The following DNAAF4 variants were observed in gnomAD, a reference collection of about 807,000 sequenced individuals.
DNAAF4 encodes the protein dynein assembly factor 4, axonemal.
A neutral mutation model predicts 51.8 loss-of-function variants in DNAAF4; 43 were observed. The observed-to-expected ratio is 0.83, with a 90% CI of 0.65 to 1.07. The LOEUF (loss-of-function observed/expected upper bound fraction) is 1.07. DNAAF4 is among the 50% of genes least tolerant of loss of function. The probability of loss-of-function intolerance (pLI) is 0.00; values close to 1 mark genes in which losing one functional copy is unlikely to be tolerated. For synonymous variants in DNAAF4, 194 were observed against 165.6 expected, an observed-to-expected ratio of 1.17 and a Z score of -1.32; for missense variants, 581 against 493.0, an observed-to-expected ratio of 1.18 and a Z score of -1.69.
downstream of DNAAF4, among the ~76,000 whole-genome samples, chr15:55,429,198 G>T (rs111825943): frequency 6.6e-6 from 1 of 151,094 alleles, no homozygotes; most frequent in Non-Finnish European, 1.5e-5. Flanking sequence ...CTAAAGCCTG[G>T]GTTACAGAGC....
chr15:55,472,346 A>C (rs1353398914), intron 4 of DNAAF4, among the ~76,000 whole-genome samples: 1 of 151,752 alleles, frequency 6.6e-6, no homozygotes, highest in Non-Finnish European at 1.5e-5. Flanking sequence ...GCCCGGGGGC[A>C]GTGGCTCATG....
At chr15:55,498,105 G>C in intron 2 of DNAAF4, 102 bp downstream of exon 2, 1 of 1,576,274 alleles carries the variant, frequency 6.3e-7, no homozygotes, top group Non-Finnish European at 8.6e-7. Flanking sequence ...AATTTAGGAC[G>C]TTTATCGGCA....
In DNAAF4 at chr15:55,437,287, G is replaced by A. The variant is rs553772409; in HGVS notation, c.893+2185C>T. Among the ~76,000 whole-genome samples the A allele has an allele frequency of 5.9e-5, 9 of 152,292 alleles. No homozygotes were observed. In the South Asian group the frequency reaches 1.5e-3, roughly 25 times the overall value. ...GAATAAATGAATAGGAAGGAAGAAAGGAAGAAGAGAAAGAGGAGGAAAGAT... is the reference window on the plus strand; with the variant it reads ...GAATAAATGAATAGGAAGGAAGAAAAGAAGAAGAGAAAGAGGAGGAAAGAT... On this transcript the variant is annotated intron_variant, in intron 7 of 9. Transcript: ENST00000321149.
At chr15:55,432,257 G>T (rs1595889065) in intron 9 of DNAAF4, among the ~76,000 whole-genome samples, 1 of 151,928 alleles carries the variant, frequency 6.6e-6, no homozygotes, top group East Asian at 1.9e-4. Flanking sequence ...AGCTAATATA[G>T]CATTTTTCTA....
chr15:55,429,696 A>G (rs984539244), downstream of DNAAF4, among the ~76,000 whole-genome samples: 1 of 151,756 alleles, frequency 6.6e-6, no homozygotes, highest in Non-Finnish European at 1.5e-5. Context: ...AGGCGCCTGT[A>G]GTCCCATCTA....
At chr15:55,470,202 C>T (rs1303449111) in intron 4 of DNAAF4, among the ~76,000 whole-genome samples, 4 of 152,094 alleles carry the variant, frequency 2.6e-5, no homozygotes, top group Non-Finnish European at 5.9e-5. Flanking sequence ...CAGGCACATA[C>T]CACCACGCCT....
chr15:55,455,406 A>G (rs1486491890), intron 5 of DNAAF4, among the ~76,000 whole-genome samples: 1 of 147,182 alleles, frequency 6.8e-6, no homozygotes, highest in African/African-American at 2.5e-5. Flanking sequence ...ATATATATAT[A>G]TATATATTCA....
chr15:55,463,417 T>C (rs2058123411), intron 5 of DNAAF4, among the ~76,000 whole-genome samples: 1 of 151,788 alleles, frequency 6.6e-6, no homozygotes, highest in Non-Finnish European at 1.5e-5. Flanking sequence ...TTTAACAGAG[T>C]ACTGGAAGTC....
intron 7 of DNAAF4, among the ~76,000 whole-genome samples, chr15:55,436,159 A>T (rs561600090): frequency 2.0e-5 from 3 of 152,178 alleles, no homozygotes; most frequent in Admixed American, 2.0e-4. Context: ...CTCTACCAAC[A>T]GTGCACAGGA....
At position 55,473,369 on chromosome 15, in the gene DNAAF4, GTA is replaced by G. The variant is rs372477096; in HGVS notation, c.406-6210_406-6209del. On this transcript the variant is annotated intron_variant, in intron 4 of 9. Transcript: ENST00000321149. ...TATGTGTGTATATATATGTGTGTGT[GTA>G]TATATATATATATGCAAACTTAACC... Among the ~76,000 whole-genome samples the G allele has an allele frequency of 5.0e-4, 65 of 130,886 alleles. 3 individuals carry two copies. Among genetic ancestry groups the G allele is most frequent in the Non-Finnish European group, 8.5e-4 (53 of 62,708 alleles). The allele number at this position is 130,886 out of a possible 152,430, so 85.9% of individuals were successfully genotyped here.
rs545872909 is a variant in DNAAF4, at chr15:55,506,985, G to C, written c.-256+1137C>G. ...CTGTCTCAGCCTCCTGAGTAGCTGG[G>C]ATTACAGGCACCCACCACCAAGCCT... On this transcript the variant is annotated intron_variant, in intron 1 of 9. Coordinates refer to ENST00000321149, the MANE Select transcript of DNAAF4 (RefSeq NM_130810.4). Among the ~76,000 whole-genome samples the C allele has an allele frequency of 8.5e-5, 13 of 152,154 alleles. No homozygotes were observed. In the South Asian group the frequency reaches 2.7e-3, roughly 32 times the overall value.
chr15:55,504,645 A>G (rs573067408), intron 1 of DNAAF4, among the ~76,000 whole-genome samples: 1 of 152,344 alleles, frequency 6.6e-6, no homozygotes, highest in East Asian at 1.9e-4. Flanking sequence ...GATCTTTCAC[A>G]AACCTGATAA....
At position 55,491,160 on chromosome 15, in the gene DNAAF4, C is replaced by G. The variant is rs769685504; in HGVS notation, c.368G>C (p.Arg123Pro). The G allele has an allele frequency of 6.2e-7, 1 of 1,614,032 alleles. No homozygotes were observed. Among genetic ancestry groups the G allele is most frequent in the Non-Finnish European group, 8.5e-7 (1 of 1,179,974 alleles). Residue 123 changes from arginine to proline, a missense_variant, in exon 4 of 10, where the codon CGG becomes CCG. By Grantham distance (103) the Arg-to-Pro change is moderately radical. Coordinates refer to ENST00000321149, the MANE Select transcript of DNAAF4 (RefSeq NM_130810.4). ...ACTTAGTGCGTATTTTTGATCTTCC[C>G]GCTTTGCTGCAGCTTTTGCTTCTGT... ...EATEAKAAAK[R>P]EDQKYALSVM...
At chr15:55,476,663 C>G (rs950774146) in intron 4 of DNAAF4, among the ~76,000 whole-genome samples, 48 of 151,972 alleles carry the variant, frequency 3.2e-4, no homozygotes, top group African/African-American at 1.1e-3. Context: ...CAAGGATGAA[C>G]CTTGAAGACA....
At chr15:55,418,194 GAGA>G (rs2057354088) in intron 7 of DNAAF4, 1 of 1,565,258 alleles carries the variant, frequency 6.4e-7, no homozygotes, top group Non-Finnish European at 8.6e-7. Context: ...CTTTATAATG[GAGA>G]ATGATTTTAT....
chr15:55,447,268 C>T (rs1057286985), intron 6 of DNAAF4, among the ~76,000 whole-genome samples: 24 of 151,402 alleles, frequency 1.6e-4, no homozygotes, highest in Non-Finnish European at 3.1e-4. Flanking sequence ...GGCGGTCGGG[C>T]AGAGGTGCTC....
intron 3 of DNAAF4, among the ~76,000 whole-genome samples, chr15:55,494,485 C>T (rs1307656889): frequency 1.3e-5 from 2 of 151,946 alleles, no homozygotes; most frequent in Admixed American, 6.6e-5. Flanking sequence ...GATCTCAGCT[C>T]GCTGCAACCT....
rs551830868 is a variant in DNAAF4 at position 55,441,254 on chromosome 15, T to C, written c.784-1673A>G. On this transcript the variant is annotated intron_variant, in intron 6 of 9. Transcript: ENST00000321149. ...GCCCGGCCAGTTTTTGTATTTTTAG[T>C]AGAGACGGGGTTTCACCATATTGGC... is the stretch of plus-strand genomic sequence containing the variant. 2.7e-5 allele frequency among the ~76,000 whole-genome samples: 4 copies of C among 149,670 alleles called. No individual in the cohort carries two copies. In the East Asian group the frequency reaches 8.0e-4, roughly 30 times the overall value.
chr15:55,505,367 T>G (rs915269136), intron 1 of DNAAF4, among the ~76,000 whole-genome samples: 3 of 152,314 alleles, frequency 2.0e-5, no homozygotes, highest in Middle Eastern at 6.8e-3. Context: ...TGAAGATTCC[T>G]GAAGGATCTA....
Sources: allele counts gnomAD v4.1 joint callset (sites outside exome capture counted in the v4.1 genomes callset), GRCh38; gene constraint gnomAD v4.1.1; transcripts MANE v1.5; gene names NCBI Gene and HGNC (gene_info 2026-07-23, HGNC 2026-07-21).